Variants in PARD3B observed in about 807,000 individuals in gnomAD.
PARD3B encodes par-3 family cell polarity regulator beta.
PARD3B carries 103 observed loss-of-function variants against 130.2 expected under a neutral mutation model. The ratio of observed to expected loss-of-function variants is 0.79; its 90% confidence interval spans 0.67 to 0.93. The LOEUF is 0.93. Ranked by LOEUF, PARD3B falls within the 40% of genes least tolerant of loss-of-function variation. PARD3B has a pLI of 0.00. For missense variants in PARD3B, 1,609 were observed against 1,499.2 expected (o/e 1.07, Z -1.21); for synonymous variants, 583 against 553.2 (o/e 1.05, Z -0.76).
chr2:205,404,844 C>G (rs1416170229), intron 19 of PARD3B, among the ~76,000 whole-genome samples: 1 of 152,164 alleles, frequency 6.6e-6, no homozygotes, highest in Non-Finnish European at 1.5e-5. Flanking sequence ...TCAAATAATA[C>G]TTGGATGAAT....
chr2:204,628,292 A>G (rs939502083), intron 1 of PARD3B, among the ~76,000 whole-genome samples: 6 of 149,306 alleles, frequency 4.0e-5, no homozygotes, highest in African/African-American at 1.3e-4. Flanking sequence ...TTTTTTTTTA[A>G]TTAACTTTAG....
chr2:205,536,684 A>G (rs2051875117), intron 21 of PARD3B, among the ~76,000 whole-genome samples: 1 of 152,208 alleles, frequency 6.6e-6, no homozygotes, highest in Non-Finnish European at 1.5e-5. Context: ...GAACAAATTC[A>G]GGAATGTAAC....
At chr2:205,608,794 T>TA (rs911852919) in intron 22 of PARD3B, among the ~76,000 whole-genome samples, 6 of 151,528 alleles carry the variant, frequency 4.0e-5, no homozygotes, top group East Asian at 1.9e-4. Context: ...GGTCATTGTT[T>TA]AAAAAAAAAG....
At chr2:204,569,367 A>T (rs2031861009) in intron 1 of PARD3B, among the ~76,000 whole-genome samples, 1 of 152,164 alleles carries the variant, frequency 6.6e-6, no homozygotes, top group African/African-American at 2.4e-5. Flanking sequence ...TCCAATTCAG[A>T]TAGTAGATTT....
intron 4 of PARD3B, among the ~76,000 whole-genome samples, chr2:205,085,871 A>T (rs985682602): frequency 6.9e-6 from 1 of 144,888 alleles, no homozygotes; most frequent in African/African-American, 2.9e-5. Flanking sequence ...TTTATGAATG[A>T]CTGGGTTGCA....
At chr2:204,854,626 T>G (rs903848128) in intron 2 of PARD3B, among the ~76,000 whole-genome samples, 16 of 152,264 alleles carry the variant, frequency 1.1e-4, no homozygotes, top group African/African-American at 3.6e-4. Flanking sequence ...GCTGAGCACA[T>G]AGCAGATACT....
intron 19 of PARD3B, among the ~76,000 whole-genome samples, chr2:205,433,289 T>C (rs928405580): frequency 1.1e-4 from 16 of 152,178 alleles, no homozygotes. Context: ...TCCCAGCACT[T>C]TGGGAGGCCA....
At chr2:204,813,214 ATAGT>A (rs1176636339) in intron 2 of PARD3B, among the ~76,000 whole-genome samples, 2 of 152,178 alleles carry the variant, frequency 1.3e-5, no homozygotes, top group African/African-American at 4.8e-5. Context: ...AAGGTTTAGT[ATAGT>A]TAATCTTTTT....
chr2:205,006,022 G>C (rs926847626), intron 3 of PARD3B, among the ~76,000 whole-genome samples: 1 of 152,056 alleles, frequency 6.6e-6, no homozygotes, highest in East Asian at 1.9e-4. Context: ...CCTTTGCATC[G>C]TCATAGCTTA....
chr2:204,911,949 A>G (rs2047253410), intron 2 of PARD3B, among the ~76,000 whole-genome samples: 1 of 152,180 alleles, frequency 6.6e-6, no homozygotes, highest in African/African-American at 2.4e-5. Context: ...TGTGAAATAT[A>G]CTTAAATAAT....
intron 4 of PARD3B, among the ~76,000 whole-genome samples, chr2:205,098,332 G>C (rs1345026937): frequency 6.6e-6 from 1 of 152,126 alleles, no homozygotes. Context: ...TTATGGGCAA[G>C]TGGTTTCCAA....
At chr2:205,534,340 C>T (rs916901023) in intron 21 of PARD3B, among the ~76,000 whole-genome samples, 12 of 152,004 alleles carry the variant, frequency 7.9e-5, no homozygotes, top group African/African-American at 2.7e-4. Context: ...ACAAAGTGGT[C>T]GGAGAAGGCT....
intron 15 of PARD3B, among the ~76,000 whole-genome samples, chr2:205,193,675 T>C (rs2036517247): frequency 6.6e-6 from 1 of 152,208 alleles, no homozygotes; most frequent in African/African-American, 2.4e-5. Context: ...ATTTCCACTC[T>C]GTGCGGGCAT....
At chr2:204,783,417 A>T (rs1031983800) in intron 2 of PARD3B, among the ~76,000 whole-genome samples, 2 of 152,058 alleles carry the variant, frequency 1.3e-5, no homozygotes, top group African/African-American at 4.8e-5. Context: ...CCAATCTTAC[A>T]GGATTTGGGC....
At position 205,122,122 on chromosome 2, in the gene PARD3B, C is replaced by A. The variant is rs2030816147; in HGVS notation, c.1165+173C>A. On this transcript the variant is annotated intron_variant, in intron 8 of 22. Coordinates refer to ENST00000406610, the MANE Select transcript of PARD3B (RefSeq NM_001302769.2). This position sits in a 1 kb window ranked among gnomAD's most constrained non-coding sequence, Gnocchi z 4.3. ...TTTCTTGAAATTGTACTTTTTTATT[C>A]TTTTCTTCGGAGTGTATAGATTATT... Among the ~76,000 whole-genome samples the A allele has an allele frequency of 1.3e-5, 2 of 151,974 alleles. No homozygotes were observed. The highest frequency in any genetic ancestry group is 1.9e-4 in the East Asian group (1 of 5,182).
chr2:205,518,326 G>T (rs2050881641), intron 21 of PARD3B, among the ~76,000 whole-genome samples: 1 of 152,198 alleles, frequency 6.6e-6, no homozygotes, highest in African/African-American at 2.4e-5. Flanking sequence ...TTACCATTAT[G>T]TAATGCCCGT....
chr2:205,258,512 A>G lies in PARD3B; in HGVS notation c.2185+12690A>G, dbSNP rs1028401206. Among the ~76,000 whole-genome samples, 1 of 152,142 alleles carries G rather than the reference A, an allele frequency of 6.6e-6. No homozygotes were observed. The highest frequency in any genetic ancestry group is 6.6e-5 in the Admixed American group (1 of 15,260). On this transcript the variant is annotated intron_variant, in intron 16 of 22. Transcript: ENST00000406610. The surrounding 1 kb of genome is among the most constrained non-coding windows in gnomAD (Gnocchi z 4.9). ...TAGAGCTAATCACAGTCTGTAGTAA[A>G]TGTGTGTGCATTTATTGATGTATGT...
At chr2:205,070,510 T>C (rs1353725743) in intron 4 of PARD3B, among the ~76,000 whole-genome samples, 1 of 152,160 alleles carries the variant, frequency 6.6e-6, no homozygotes, top group African/African-American at 2.4e-5. Flanking sequence ...TAAAGTTGTT[T>C]GAATTGTTCC....
At chr2:204,573,291 A>G (rs535651950) in intron 1 of PARD3B, among the ~76,000 whole-genome samples, 34 of 152,356 alleles carry the variant, frequency 2.2e-4, no homozygotes, top group Middle Eastern at 3.4e-3. Flanking sequence ...TGTGGGCAAG[A>G]TAACCATAGC....
Sources: allele counts gnomAD v4.1 joint callset (sites outside exome capture counted in the v4.1 genomes callset), GRCh38; gene constraint gnomAD v4.1.1; non-coding constraint Gnocchi (gnomAD v3.1); transcripts MANE v1.5; gene names NCBI Gene and HGNC (gene_info 2026-07-23, HGNC 2026-07-21).